Variants in BRD10 observed in about 807,000 individuals in gnomAD.
The protein encoded by BRD10 is bromodomain containing 10, also known as uncharacterized bromodomain-containing protein 10.
chr9:5,951,551 C>T, the BRD10 span, among the ~76,000 whole-genome samples: 10 of 152,068 alleles, frequency 6.6e-5, no homozygotes, highest in African/African-American at 2.4e-4. Context: ...ATGTTTAATG[C>T]TAGAAATGTG....
At chr9:5,888,243 G>C in the BRD10 span, among the ~76,000 whole-genome samples, 1 of 152,154 alleles carries the variant, frequency 6.6e-6, no homozygotes, top group African/African-American at 2.4e-5. Flanking sequence ...AAATGCTTCT[G>C]GGCTGTCCAA....
At chr9:5,944,371 C>T in the BRD10 span, among the ~76,000 whole-genome samples, 3 of 151,014 alleles carry the variant, frequency 2.0e-5, no homozygotes, top group East Asian at 1.9e-4. Flanking sequence ...ATAATTTAGA[C>T]GATATAGTGA....
At chr9:5,970,211 T>C in the BRD10 span, among the ~76,000 whole-genome samples, 1 of 152,100 alleles carries the variant, frequency 6.6e-6, no homozygotes, top group Non-Finnish European at 1.5e-5. Flanking sequence ...AAAACAAAAC[T>C]ATGAAAAAAT....
At chr9:5,952,034 T>TATTC in the BRD10 span, among the ~76,000 whole-genome samples, 23 of 151,572 alleles carry the variant, frequency 1.5e-4, no homozygotes, top group Admixed American at 9.9e-4. Context: ...TTTATTTATT[T>TATTC]ATTTAGAGAC....
the BRD10 span, chr9:5,920,546 G>T: frequency 1.9e-6 from 3 of 1,613,954 alleles, no homozygotes; most frequent in Admixed American, 3.3e-5. Context: ...TATTTTACCT[G>T]GACTTGTTGA....
At chr9:5,994,609 T>C in the BRD10 span, among the ~76,000 whole-genome samples, 24,773 of 152,174 alleles carry the variant, frequency 0.16, 2,544 homozygotes, top group East Asian at 0.26. Flanking sequence ...CTTTTAGCTA[T>C]TCACATAGAT....
At chr9:6,008,219 G>A in the BRD10 span, 5 of 979,808 alleles carry the variant, frequency 5.1e-6, no homozygotes, top group East Asian at 2.3e-4. Flanking sequence ...CCTCCCCGGA[G>A]GGGGCCGCAG....
chr9:5,969,570 G>T, the BRD10 span: 2 of 660,008 alleles, frequency 3.0e-6, no homozygotes, highest in South Asian at 4.5e-5. Context: ...TTGAGACAGA[G>T]TCTCGCTCTG....
the BRD10 span, among the ~76,000 whole-genome samples, chr9:5,993,700 T>C: frequency 2.8e-3 from 425 of 152,296 alleles, no homozygotes; most frequent in Middle Eastern, 6.8e-3. Context: ...AATAAATATG[T>C]CTGTCCTCTC....
chr9:5,891,675 T>C, the BRD10 span, among the ~76,000 whole-genome samples: 1 of 152,224 alleles, frequency 6.6e-6, no homozygotes, highest in East Asian at 1.9e-4. Context: ...CTGCAGTTTA[T>C]GGATATTTTT....
At chr9:5,883,427 T>C in the BRD10 span, among the ~76,000 whole-genome samples, 3 of 149,450 alleles carry the variant, frequency 2.0e-5, no homozygotes, top group African/African-American at 7.4e-5. Context: ...GCTACCTGTA[T>C]CCCACAAAAC....
At chr9:5,892,963 G>C in the BRD10 span, among the ~76,000 whole-genome samples, 1 of 152,142 alleles carries the variant, frequency 6.6e-6, no homozygotes, top group African/African-American at 2.4e-5. Context: ...AAGGATGACG[G>C]GCAGGTGTGT....
At chr9:5,880,511 C>G in the BRD10 span, among the ~76,000 whole-genome samples, 1 of 151,768 alleles carries the variant, frequency 6.6e-6, no homozygotes, top group African/African-American at 2.4e-5. Context: ...GAGACTCTGT[C>G]TCAAACAAAC....
chr9:6,003,517 C>T, the BRD10 span, among the ~76,000 whole-genome samples: 4 of 152,084 alleles, frequency 2.6e-5, no homozygotes, highest in African/African-American at 9.7e-5. Context: ...ATATAACTTT[C>T]TTGAGAATAG....
chr9:5,921,250 T>C, the BRD10 span: 138 of 1,613,896 alleles, frequency 8.6e-5, no homozygotes, highest in African/African-American at 1.7e-3. Flanking sequence ...TATTTACAAT[T>C]GCTTGACCTA....
chr9:5,890,271 G>A, the BRD10 span, among the ~76,000 whole-genome samples: 3 of 152,140 alleles, frequency 2.0e-5, no homozygotes, highest in Non-Finnish European at 2.9e-5. Context: ...AAAAACAAAT[G>A]TGGATTTCAG....
the BRD10 span, among the ~76,000 whole-genome samples, chr9:5,957,549 T>C: frequency 1.3e-5 from 2 of 152,242 alleles, no homozygotes; most frequent in Admixed American, 6.5e-5. Context: ...ACTAGGAGCA[T>C]ACATGTGAAA....
At chr9:5,902,237 TTG>T in the BRD10 span, among the ~76,000 whole-genome samples, 5 of 150,184 alleles carry the variant, frequency 3.3e-5, no homozygotes, top group Non-Finnish European at 7.4e-5. Context: ...TTTTGACAGA[TTG>T]TGTCTTTCAA....
At chr9:5,949,788 A>C in the BRD10 span, among the ~76,000 whole-genome samples, 2 of 152,210 alleles carry the variant, frequency 1.3e-5, no homozygotes, top group Non-Finnish European at 2.9e-5. Flanking sequence ...TATGTACAAA[A>C]GATAAGTCAT....
Sources: gnomAD v4.1 joint callset for allele counts (sites outside exome capture counted in the v4.1 genomes callset) on GRCh38, gnomAD v4.1.1 for gene constraint, MANE v1.5 for transcripts, NCBI Gene and HGNC (gene_info 2026-07-23, HGNC 2026-07-21) for gene names.